Variants in HHAT observed in about 807,000 individuals in gnomAD.
The protein encoded by HHAT is hedgehog acyltransferase, also known as protein-cysteine N-palmitoyltransferase HHAT.
A neutral mutation model predicts 70.8 loss-of-function variants in HHAT; 47 were observed. The ratio of observed to expected loss-of-function variants is 0.66; its 90% CI spans 0.53 to 0.85. The LOEUF (loss-of-function observed/expected upper bound fraction) is 0.85. Ranked by LOEUF, HHAT falls within the 40% of genes least tolerant of loss-of-function variation. HHAT has a pLI of 0.00. For synonymous variants in HHAT, 228 were observed against 247.6 expected (o/e 0.92, Z 0.74); for missense variants, 609 against 604.8 (o/e 1.01, Z -0.07).
intron 9 of HHAT, among the ~76,000 whole-genome samples, chr1:210,524,342 C>T (rs901534664): frequency 2.0e-5 from 3 of 152,090 alleles, no homozygotes; most frequent in Non-Finnish European, 2.9e-5. Context: ...GTGTGAGTGC[C>T]GTGTTTGAAG....
At chr1:210,591,160 T>A (rs781360530) in intron 10 of HHAT, among the ~76,000 whole-genome samples, 1 of 152,158 alleles carries the variant, frequency 6.6e-6, no homozygotes, top group Non-Finnish European at 1.5e-5. Flanking sequence ...CTACATCTTA[T>A]TCTATATAGC....
chr1:210,449,546 A>T (rs2093705979), intron 7 of HHAT, among the ~76,000 whole-genome samples: 1 of 152,148 alleles, frequency 6.6e-6, no homozygotes, highest in African/African-American at 2.4e-5. Flanking sequence ...TAATTCCTCC[A>T]AAACATCTCA....
chr1:210,514,738 T>C (rs2095025424), intron 9 of HHAT, among the ~76,000 whole-genome samples: 1 of 152,184 alleles, frequency 6.6e-6, no homozygotes, highest in African/African-American at 2.4e-5. Context: ...GAGAAAAAGC[T>C]GTACAGTCAT....
At chr1:210,547,651 C>T (rs2095495353) in intron 9 of HHAT, among the ~76,000 whole-genome samples, 1 of 152,160 alleles carries the variant, frequency 6.6e-6, no homozygotes, top group Admixed American at 6.5e-5. Flanking sequence ...GTGCATAACA[C>T]TGAGTTGGGA....
chr1:210,630,815 G>A (rs575199348), intron 11 of HHAT, among the ~76,000 whole-genome samples: 1 of 152,332 alleles, frequency 6.6e-6, no homozygotes, highest in South Asian at 2.1e-4. Flanking sequence ...GGAGTGTGGA[G>A]TTGTCAGGAT....
At chr1:210,595,459 A>C (rs745558437) in intron 10 of HHAT, among the ~76,000 whole-genome samples, 1 of 152,210 alleles carries the variant, frequency 6.6e-6, no homozygotes, top group Non-Finnish European at 1.5e-5. Context: ...AGCATGACTT[A>C]TAATCCTTTG....
intron 9 of HHAT, among the ~76,000 whole-genome samples, chr1:210,558,069 A>G (rs1315420031): frequency 6.6e-6 from 1 of 152,212 alleles, no homozygotes; most frequent in Non-Finnish European, 1.5e-5. Context: ...TTGAGCAGTG[A>G]GAATGATTCA....
chr1:210,448,910 A>T (rs3765844), intron 7 of HHAT, among the ~76,000 whole-genome samples: 1 of 151,924 alleles, frequency 6.6e-6, no homozygotes, highest in East Asian at 1.9e-4. Flanking sequence ...TTTATTCCTG[A>T]ACCGCTTCTG....
At chr1:210,370,943 G>C (rs1016693414) in intron 3 of HHAT, among the ~76,000 whole-genome samples, 1 of 152,058 alleles carries the variant, frequency 6.6e-6, no homozygotes, top group African/African-American at 2.4e-5. Flanking sequence ...TAGGCAGAGA[G>C]CTACAATTCC....
chr1:210,346,414 A>C (rs1015680537), intron 1 of HHAT, among the ~76,000 whole-genome samples: 3 of 152,232 alleles, frequency 2.0e-5, no homozygotes, highest in African/African-American at 7.2e-5. Context: ...ATTCCTGAAA[A>C]GTTCCAGAAA....
chr1:210,661,612 T>TG (rs1677735067), intron 11 of HHAT, among the ~76,000 whole-genome samples: 1 of 152,230 alleles, frequency 6.6e-6, no homozygotes, highest in Non-Finnish European at 1.5e-5. Context: ...GTATGTTTAT[T>TG]GCGGAACTAT....
chr1:210,547,483 A>G (rs895076683), intron 9 of HHAT, among the ~76,000 whole-genome samples: 4 of 152,248 alleles, frequency 2.6e-5, no homozygotes, highest in Non-Finnish European at 4.4e-5. Flanking sequence ...TCCCGTTAAG[A>G]AAGTAGATCC....
At chr1:210,504,170 T>C (rs558584600) in intron 8 of HHAT, among the ~76,000 whole-genome samples, 17 of 152,344 alleles carry the variant, frequency 1.1e-4, no homozygotes, top group Admixed American at 2.0e-4. Context: ...GAACTTTTCT[T>C]GTTCATTGCT....
intron 9 of HHAT, among the ~76,000 whole-genome samples, chr1:210,537,715 C>T (rs1012661434): frequency 2.6e-5 from 4 of 152,162 alleles, no homozygotes; most frequent in Non-Finnish European, 5.9e-5. Context: ...TCAGAGAATA[C>T]CTGTTGGAAA....
chr1:210,377,430 T>C (rs2090314631), intron 3 of HHAT, among the ~76,000 whole-genome samples: 1 of 152,230 alleles, frequency 6.6e-6, no homozygotes, highest in Non-Finnish European at 1.5e-5. Context: ...TTAATATTTC[T>C]TTTTAAGCAT....
chr1:210,480,119 C>T (rs1320808115), intron 8 of HHAT, among the ~76,000 whole-genome samples: 1 of 152,110 alleles, frequency 6.6e-6, no homozygotes, highest in Non-Finnish European at 1.5e-5. Flanking sequence ...TGTCTTTTGA[C>T]TAAACTGACA....
intron 6 of HHAT, among the ~76,000 whole-genome samples, chr1:210,414,660 T>C (rs898190650): frequency 6.6e-6 from 1 of 151,868 alleles, no homozygotes; most frequent in Non-Finnish European, 1.5e-5. Flanking sequence ...TTTGCCTCTC[T>C]AACAGAGAGG....
chr1:210,398,700 G>A (rs2073038), intron 4 of HHAT, among the ~76,000 whole-genome samples: 1 of 151,988 alleles, frequency 6.6e-6, no homozygotes, highest in African/African-American at 2.4e-5. Context: ...GCACAAAAAA[G>A]AATTCCATTG....
In HHAT at chr1:210,528,950, G is replaced by A. The variant is rs551497954; in HGVS notation, c.1043+15762G>A. On this transcript the variant is annotated intron_variant, in intron 9 of 11. Transcript: ENST00000261458. Reference sequence around the variant, plus strand: ...GATAAGTGCAGCCTTGGAACCTTGGGGATAGTTTCAAATGTTGATCAACAT... The same window carrying A: ...GATAAGTGCAGCCTTGGAACCTTGGAGATAGTTTCAAATGTTGATCAACAT... 7.2e-5 allele frequency among the ~76,000 whole-genome samples: 11 copies of A among 152,200 alleles called. No homozygotes were observed. In the East Asian group the frequency reaches 1.7e-3, roughly 24 times the overall value.
Sources: gnomAD v4.1 joint callset for allele counts (sites outside exome capture counted in the v4.1 genomes callset) on GRCh38, gnomAD v4.1.1 for gene constraint, MANE v1.5 for transcripts, NCBI Gene and HGNC (gene_info 2026-07-23, HGNC 2026-07-21) for gene names.